Variants in NFIB observed in about 807,000 individuals in gnomAD.
NFIB encodes nuclear factor 1 B-type.
In NFIB, 11 loss-of-function variants were observed where a neutral mutation model predicts 61.5. That is an observed-to-expected ratio of 0.18 (90% CI 0.11 to 0.30). The LOEUF (loss-of-function observed/expected upper bound fraction) is 0.30, where lower values mean the gene tolerates loss of function less well. NFIB is among the 10% of genes least tolerant of loss of function. NFIB has a pLI of 1.00. For synonymous variants in NFIB, 260 were observed against 216.5 expected (o/e 1.20, Z -1.76); for missense variants, 471 against 608.9 (o/e 0.77, Z 2.38).
intron 1 of NFIB, among the ~76,000 whole-genome samples, chr9:14,374,390 T>C (rs2061393097): frequency 6.6e-6 from 1 of 152,210 alleles, no homozygotes; most frequent in Non-Finnish European, 1.5e-5. Context: ...TGAGAAAAGT[T>C]CATCTGTGTC....
the NFIB span, among the ~76,000 whole-genome samples, chr9:14,404,633 C>T: frequency 6.6e-6 from 1 of 152,140 alleles, no homozygotes; most frequent in Non-Finnish European, 1.5e-5. Flanking sequence ...GCTAAAAATG[C>T]AGACTTGTTT....
upstream of NFIB, among the ~76,000 whole-genome samples, chr9:14,401,528 T>C (rs1006852345): frequency 6.6e-6 from 1 of 152,226 alleles, no homozygotes; most frequent in Non-Finnish European, 1.5e-5. Context: ...ACAGTTCCTA[T>C]CCTATAAATA....
rs184846248 is a variant in NFIB at position 14,120,758 on chromosome 9, C to T, written c.1061-134G>A. On this transcript the variant is annotated intron_variant, in intron 7 of 10. Coordinates refer to ENST00000380953, the MANE Select transcript of NFIB (RefSeq NM_001190737.2). The surrounding 1 kb of genome is among the most constrained non-coding windows in gnomAD (Gnocchi z 4.4). ...TGTCCCCATGATTTAACCAAGCTCT[C>T]CTAAATCAACAGTTACTTTTTCATT... 6 of 828,906 alleles carry T rather than the reference C, an allele frequency of 7.2e-6. No homozygotes were observed. In the Admixed American group the frequency reaches 9.6e-5, roughly 13 times the overall value. The allele number at this position is 828,906 out of a possible 1,614,324, so 51.3% of individuals were successfully genotyped here.
intron 2 of NFIB, among the ~76,000 whole-genome samples, chr9:14,250,997 CTT>C (rs2055543711): frequency 6.6e-6 from 1 of 152,196 alleles, no homozygotes; most frequent in Non-Finnish European, 1.5e-5. Context: ...TTTTCAGAGA[CTT>C]TTCTTAGGTG....
intron 2 of NFIB, among the ~76,000 whole-genome samples, chr9:14,275,202 G>A (rs2132370677): frequency 6.6e-6 from 1 of 152,260 alleles, no homozygotes; most frequent in African/African-American, 2.4e-5. Context: ...CAGGATCATG[G>A]TCTCTGAGTG....
the NFIB span, among the ~76,000 whole-genome samples, chr9:14,510,873 G>C: frequency 2.6e-5 from 4 of 152,062 alleles, no homozygotes; most frequent in Non-Finnish European, 5.9e-5. Context: ...GAAAAGAAAA[G>C]AATCATAACC....
intron 2 of NFIB, among the ~76,000 whole-genome samples, chr9:14,292,321 T>C (rs1048611301): frequency 6.6e-6 from 1 of 152,214 alleles, no homozygotes; most frequent in East Asian, 1.9e-4. Context: ...ACCTCTTTCT[T>C]AAAAAGTAAG....
chr9:14,503,785 GCTGA>G, the NFIB span, among the ~76,000 whole-genome samples: 187 of 152,186 alleles, frequency 1.2e-3, no homozygotes, highest in Admixed American at 3.9e-3. Context: ...TCTCTTAACT[GCTGA>G]CTATTTCTTT....
At chr9:14,406,565 G>T in the NFIB span, among the ~76,000 whole-genome samples, 1 of 152,278 alleles carries the variant, frequency 6.6e-6, no homozygotes, top group Middle Eastern at 3.4e-3. Context: ...ACATGACACA[G>T]ATCTTTGGCA....
chr9:14,501,009 A>C, the NFIB span, among the ~76,000 whole-genome samples: 1 of 152,156 alleles, frequency 6.6e-6, no homozygotes, highest in Non-Finnish European at 1.5e-5. Context: ...AATCTGTGGG[A>C]TTGAGTTTAT....
intron 2 of NFIB, among the ~76,000 whole-genome samples, chr9:14,185,495 T>A (rs2047243692): frequency 6.6e-6 from 1 of 152,328 alleles, no homozygotes; most frequent in East Asian, 1.9e-4. Flanking sequence ...CTGTGCATAA[T>A]GTTCCCCCTT....
chr9:14,250,855 G>C (rs1025911063), intron 2 of NFIB, among the ~76,000 whole-genome samples: 1 of 152,106 alleles, frequency 6.6e-6, no homozygotes, highest in Non-Finnish European at 1.5e-5. Context: ...CAAAAGAATT[G>C]GTTTCTCTGG....
the NFIB span, among the ~76,000 whole-genome samples, chr9:14,421,515 A>G: frequency 1.3e-5 from 2 of 152,248 alleles, no homozygotes; most frequent in African/African-American, 4.8e-5. Flanking sequence ...CAGAGTATAC[A>G]TCATGAAAAT....
chr9:14,342,468 A>G (rs2060964002), intron 1 of NFIB, among the ~76,000 whole-genome samples: 2 of 151,904 alleles, frequency 1.3e-5, no homozygotes, highest in South Asian at 4.2e-4. Context: ...GGGAGGAGGG[A>G]AGGGAAGGAA....
At chr9:14,415,023 C>G in the NFIB span, among the ~76,000 whole-genome samples, 1 of 152,178 alleles carries the variant, frequency 6.6e-6, no homozygotes, top group Admixed American at 6.5e-5. Context: ...GGGCAGGAGT[C>G]AGAACACACT....
chr9:14,202,504 G>T (rs765688590), intron 2 of NFIB, among the ~76,000 whole-genome samples: 6 of 152,114 alleles, frequency 3.9e-5, no homozygotes, highest in African/African-American at 9.7e-5. Context: ...CACACTACAT[G>T]AAAGTCTCAA....
At chr9:14,408,515 G>A in the NFIB span, among the ~76,000 whole-genome samples, 7,176 of 152,186 alleles carry the variant, frequency 0.047, 194 homozygotes, top group Non-Finnish European at 0.065. Context: ...GAAAAAAAGG[G>A]GACAAAGGGA....
chr9:14,282,604 C>T (rs879912693), intron 2 of NFIB, among the ~76,000 whole-genome samples: 16 of 152,204 alleles, frequency 1.1e-4, no homozygotes, highest in Non-Finnish European at 1.5e-4. Flanking sequence ...CATCTATTTG[C>T]GTATTTCTTC....
At chr9:14,289,081 C>T (rs991913724) in intron 2 of NFIB, among the ~76,000 whole-genome samples, 3 of 142,404 alleles carry the variant, frequency 2.1e-5, no homozygotes, top group African/African-American at 5.2e-5. Context: ...TTTTCCAAAG[C>T]GTGTGTGTGT....
Sources: allele counts gnomAD v4.1 joint callset (sites outside exome capture counted in the v4.1 genomes callset), GRCh38; gene constraint gnomAD v4.1.1; non-coding constraint Gnocchi (gnomAD v3.1); transcripts MANE v1.5; gene names NCBI Gene and HGNC (gene_info 2026-07-23, HGNC 2026-07-21).